TREH: variants seen among roughly 807,000 people sequenced by gnomAD.
TREH encodes the protein trehalase, also known as alpha,alpha-trehalose glucohydrolase.
TREH carries 69 observed loss-of-function variants against 80.5 expected under a neutral mutation model. The observed-to-expected ratio is 0.86, with a 90% confidence interval of 0.71 to 1.05. The LOEUF (loss-of-function observed/expected upper bound fraction) is 1.05, where lower values mean the gene tolerates loss of function less well. Ranked by LOEUF, TREH falls within the 50% of genes least tolerant of loss-of-function variation. The pLI is 0.00. For synonymous variants in TREH, 309 were observed against 293.5 expected (o/e 1.05, Z -0.54); for missense variants, 716 against 718.8 (o/e 1.00, Z 0.04).
chr11:118,679,418 A>T, intron 1 of TREH, 121 bp downstream of exon 1: 1 of 1,022,138 alleles, frequency 9.8e-7, no homozygotes, highest in Non-Finnish European at 1.3e-6. Flanking sequence ...TCTCTTCCCT[A>T]CTCTTTCCTT....
chr11:118,678,289 T>C (rs1226553226), intron 1 of TREH, among the ~76,000 whole-genome samples: 7 of 152,180 alleles, frequency 4.6e-5, no homozygotes, highest in African/African-American at 9.6e-5. Context: ...ACACACCCTC[T>C]GCTCACCCAC....
intron 1 of TREH, among the ~76,000 whole-genome samples, chr11:118,664,939 T>C (rs1949362791): frequency 6.6e-6 from 1 of 151,932 alleles, no homozygotes; most frequent in African/African-American, 2.4e-5. Context: ...TGAAACCCCA[T>C]CTCCACTAAA....
intron 4 of TREH, 48 bp from the exon 5 acceptor site, chr11:118,662,038 C>G: frequency 6.9e-7 from 1 of 1,451,494 alleles, no homozygotes; most frequent in Non-Finnish European, 9.5e-7. Flanking sequence ...CCCACGGAAG[C>G]AGAGGCTACA....
chr11:118,672,397 CAGAAAAAAAA>C (rs1238132958), intron 1 of TREH, among the ~76,000 whole-genome samples: 1 of 140,424 alleles, frequency 7.1e-6, no homozygotes, highest in Non-Finnish European at 1.5e-5. Flanking sequence ...GACACTGTCT[CAGAAAAAAAA>C]AGAAAAAAAA....
rs569224856 is a variant in TREH, at chr11:118,665,604, C to T, written c.90-2165G>A. ...GCAGTGAGCCGAGATCACGCCACTGCACTCCAGCCTGGGCAACAGAGCGAG... is the reference window on the plus strand; with the variant it reads ...GCAGTGAGCCGAGATCACGCCACTGTACTCCAGCCTGGGCAACAGAGCGAG... On this transcript the variant is annotated intron_variant, in intron 1 of 14. Coordinates refer to ENST00000264029, the MANE Select transcript of TREH (RefSeq NM_007180.3). Among the ~76,000 whole-genome samples the T allele has an allele frequency of 2.6e-5, 4 of 152,274 alleles. No homozygotes were observed. In the East Asian group the frequency reaches 7.7e-4, roughly 29 times the overall value.
intron 1 of TREH, among the ~76,000 whole-genome samples, chr11:118,665,714 G>A (rs1216914793): frequency 2.0e-5 from 3 of 152,192 alleles, no homozygotes; most frequent in Non-Finnish European, 4.4e-5. Flanking sequence ...GGCCTGATGG[G>A]GTGTGTTGTG....
rs1555144550 is a variant in TREH, at chr11:118,659,954, G to A, written c.1113C>T (p.Ser371=). 2 of 1,551,362 alleles carry A rather than the reference G, an allele frequency of 1.3e-6. No individual in the cohort carries two copies. The highest frequency in any genetic ancestry group is 2.4e-5 in the East Asian group (1 of 40,910). Residue 371 remains serine, a synonymous_variant, in exon 11 of 15, where the codon TCC becomes TCT. Coordinates refer to ENST00000264029, the MANE Select transcript of TREH (RefSeq NM_007180.3). ...GCAGGATTCTGTACTTCGTGGCCTG[G>A]GAGTCGTTCCCTGGGGCAGTGCTGC... ...SNFYSRLGND[S]QATKYRILRS...
chr11:118,662,619 G>C (rs1247254442), intron 4 of TREH: 1 of 496,842 alleles, frequency 2.0e-6, no homozygotes, highest in Non-Finnish European at 3.6e-6. Context: ...GTGCTGGGCA[G>C]CCTGGAGGTG....
In TREH at chr11:118,660,854, CCTG is replaced by C; in HGVS notation, c.907+9_907+11del. 6.4e-7 allele frequency: 1 copy of C among 1,563,760 alleles called. No homozygotes were observed. Among genetic ancestry groups the C allele is most frequent in the Non-Finnish European group, 8.7e-7 (1 of 1,153,526 alleles). ...CCTGCCCCCAGCCCTCCCTCACCCT[CCTG>C]CTGCTCACCTTCTGGCAAGGTGTCA... is the stretch of plus-strand genomic sequence containing the variant. On this transcript the variant is annotated intron_variant, in intron 9 of 14. Transcript: ENST00000264029.
In TREH at chr11:118,661,944, T is replaced by C. The variant is rs1949328469; in HGVS notation, c.470A>G (p.Tyr157Cys). 5 of 1,555,784 alleles carry C rather than the reference T, an allele frequency of 3.2e-6. No individual in the cohort carries two copies. Among genetic ancestry groups the C allele is most frequent in the Non-Finnish European group, 4.3e-6 (5 of 1,149,548 alleles). ...AGGCACAATGAAGGGATGTTCTGAGTAGATGAGAGAGAACCGCTCAGGGTG... is the reference window on the plus strand; with the variant it reads ...AGGCACAATGAAGGGATGTTCTGAGCAGATGAGAGAGAACCGCTCAGGGTG... ...LSHPERFSLIYSEHPFIVPGG... is the reference protein window; with the variant it reads ...LSHPERFSLICSEHPFIVPGG... Residue 157 changes from tyrosine (Y) to cysteine (C), a missense_variant, in exon 5 of 15, where the codon TAC becomes TGC. Transcript: ENST00000264029. The surrounding 1 kb of genome is among the most constrained non-coding windows in gnomAD (Gnocchi z 4.2).
In TREH at chr11:118,659,067, CAG is replaced by C. The variant is rs782676290; in HGVS notation, c.1433-52_1433-51del. The stretch of plus-strand genomic sequence containing the variant: ...CAACCTCCAGGTCTCCCATCCCAGA[CAG>C]AGCAGTGGCTGCACCCTACTCTCCC... On this transcript the variant is annotated intron_variant, in intron 12 of 14. Transcript: ENST00000264029. 1.9e-4 allele frequency: 292 copies of C among 1,564,072 alleles called. 1 individual carries two copies. Among genetic ancestry groups the C allele is most frequent in the Non-Finnish European group, 2.5e-4 (283 of 1,136,610 alleles).
intron 1 of TREH, 110 bp from the exon 2 acceptor site, chr11:118,663,549 G>A (rs1949349249): frequency 3.4e-6 from 3 of 870,880 alleles, no homozygotes; most frequent in Non-Finnish European, 5.4e-6. Flanking sequence ...CCTGGGACTG[G>A]ACAAGGGCTG....
In TREH at chr11:118,663,005, A is replaced by T. The variant is rs782555600; in HGVS notation, c.336-37T>A. 10 of 1,610,668 alleles carry T rather than the reference A, an allele frequency of 6.2e-6. No individual in the cohort carries two copies. The South Asian group carries it at 8.8e-5, about 14-fold the overall frequency. On this transcript the variant is annotated intron_variant, in intron 3 of 14. Transcript: ENST00000264029. The stretch of plus-strand genomic sequence containing the variant: ...CAGGCCCCACAGGGTTCAAGGAGGC[A>T]GCTCAGTTGGAAGGAACCCTCTCTT...
chr11:118,668,546 G>T (rs1157682060), intron 1 of TREH, among the ~76,000 whole-genome samples: 1 of 116,268 alleles, frequency 8.6e-6, no homozygotes, highest in African/African-American at 3.3e-5. Flanking sequence ...TGGGCAACAG[G>T]GTGAGACTCT....
intron 1 of TREH, among the ~76,000 whole-genome samples, chr11:118,670,657 G>C (rs1949422501): frequency 6.6e-6 from 1 of 152,118 alleles, no homozygotes; most frequent in Admixed American, 6.5e-5. Flanking sequence ...CACATTACTA[G>C]AGTCCCATTG....
intron 10 of TREH, 140 bp downstream of exon 10, chr11:118,660,399 G>A (rs1325389124): frequency 2.5e-6 from 2 of 809,450 alleles, no homozygotes; most frequent in African/African-American, 1.7e-5. Flanking sequence ...GCAAATGTGA[G>A]TGCAGGCTTC....
Position 118,663,396 on chromosome 11 carries a change from C to T in TREH, c.133G>A (p.Ala45Thr). ...TGCTTGTCATCCTGGTAGAGCTTGG[C>T]CATTTGAACTTGGTTTAGGAGCTCC... The part of the protein sequence containing the change: ...HGELLNQVQM[A>T]KLYQDDKQFV... Residue 45 changes from alanine to threonine, a missense_variant, in exon 2 of 15, where the codon GCC becomes ACC. Physicochemically the swap from Ala to Thr is moderately conservative, Grantham distance 58. Coordinates refer to ENST00000264029, the MANE Select transcript of TREH (RefSeq NM_007180.3). 1.3e-6 allele frequency: 2 copies of T among 1,596,854 alleles called. No homozygotes were observed. Among genetic ancestry groups the T allele is most frequent in the South Asian group, 1.1e-5 (1 of 87,326 alleles).
chr11:118,660,553 A>C lies in TREH; in HGVS notation c.1088T>G (p.Phe363Cys), dbSNP rs1166735775. 2.5e-6 allele frequency: 4 copies of C among 1,606,052 alleles called. No individual in the cohort carries two copies. In the African/African-American group the frequency reaches 5.3e-5, roughly 21 times the overall value. Residue 363 changes from phenylalanine (F) to cysteine (C), a missense_variant, in exon 10 of 15, where the codon TTC becomes TGC. Coordinates refer to ENST00000264029, the MANE Select transcript of TREH (RefSeq NM_007180.3). Reference protein sequence around the residue: ...LCQAEELMSNFYSRLGNDSQA... With the variant: ...LCQAEELMSNCYSRLGNDSQA... ...GGGGTGCTCACCCAGCCTGGAATAG[A>C]AGTTGCTCATCAGCTCCTCTGCTTG...
intron 1 of TREH, among the ~76,000 whole-genome samples, chr11:118,671,999 T>G (rs1053820006): frequency 6.6e-6 from 1 of 152,110 alleles, no homozygotes; most frequent in Admixed American, 6.5e-5. Context: ...ATAAAGACTT[T>G]CCCAGACAAA....
Sources: allele counts gnomAD v4.1 joint callset (sites outside exome capture counted in the v4.1 genomes callset), GRCh38; gene constraint gnomAD v4.1.1; non-coding constraint Gnocchi (gnomAD v3.1); transcripts MANE v1.5; gene names NCBI Gene and HGNC (gene_info 2026-07-23, HGNC 2026-07-21).